The following USP32 variants were observed in gnomAD, a reference collection of about 807,000 sequenced individuals.
USP32 encodes the protein ubiquitin specific peptidase 32, also known as ubiquitin carboxyl-terminal hydrolase 32.
In USP32, 59 loss-of-function variants were observed where a neutral mutation model predicts 204.8. The ratio of observed to expected loss-of-function variants is 0.29; its 90% CI spans 0.23 to 0.36. USP32 has a LOEUF of 0.36. Ranked by LOEUF, USP32 falls within the 10% of genes least tolerant of loss-of-function variation. USP32 has a pLI of 1.00. For missense variants in USP32, 1,160 were observed against 1,946.4 expected, an observed-to-expected ratio of 0.60 and a Z score of 7.60; for synonymous variants, 517 against 678.4, an observed-to-expected ratio of 0.76 and a Z score of 3.70.
intron 5 of USP32, among the ~76,000 whole-genome samples, chr17:60,272,420 T>C (rs773198581): frequency 6.6e-6 from 1 of 152,206 alleles, no homozygotes; most frequent in African/African-American, 2.4e-5. Flanking sequence ...TTTATCTGTG[T>C]TTGTTTTTCC....
intron 1 of USP32, among the ~76,000 whole-genome samples, chr17:60,368,034 T>A (rs2146077811): frequency 6.6e-6 from 1 of 152,260 alleles, no homozygotes; most frequent in Admixed American, 6.5e-5. Context: ...ATAAGAAACA[T>A]GAGCATCCTT....
At chr17:60,293,930 A>G (rs1447898776) in intron 4 of USP32, among the ~76,000 whole-genome samples, 3 of 152,262 alleles carry the variant, frequency 2.0e-5, no homozygotes, top group Non-Finnish European at 4.4e-5. Flanking sequence ...GACTTGTCAC[A>G]TACTAGCAGA....
chr17:60,234,906 C>T (rs1198639457), intron 12 of USP32, among the ~76,000 whole-genome samples: 3 of 151,972 alleles, frequency 2.0e-5, no homozygotes, highest in Non-Finnish European at 1.5e-5. Flanking sequence ...ATTTGACAGA[C>T]GCATGCTAGA....
chr17:60,354,439 T>C (rs2089022497), intron 1 of USP32, among the ~76,000 whole-genome samples: 1 of 152,004 alleles, frequency 6.6e-6, no homozygotes, highest in Non-Finnish European at 1.5e-5. Context: ...AAATAAACAT[T>C]GGGAAATATG....
Position 60,301,621 on chromosome 17 carries a change from G to A in USP32, c.270C>T (p.Gly90=). The change falls in exon 3 of 34, where the codon GGC becomes GGT. Residue 90 remains glycine (G), a synonymous_variant. Transcript: ENST00000300896. ...TACATTTTGCTTTCTCTTCATCTTT[G>A]CCTCTTGTAAGGAGGACAAGTCCAA... ...LIVGLVLLTR[G]KDEEKAKYIF... The A allele has an allele frequency of 1.1e-5, 17 of 1,589,796 alleles. No individual in the cohort carries two copies. The highest frequency in any genetic ancestry group is 1.4e-5 in the Non-Finnish European group (16 of 1,173,350).
chr17:60,204,156 G>A (rs1208544855), intron 26 of USP32, among the ~76,000 whole-genome samples: 1 of 151,798 alleles, frequency 6.6e-6, no homozygotes, highest in African/African-American at 2.4e-5. Flanking sequence ...TTTTCCTCAA[G>A]AACATTCTTG....
chr17:60,300,381 A>G (rs2087544140), intron 3 of USP32, among the ~76,000 whole-genome samples: 1 of 152,158 alleles, frequency 6.6e-6, no homozygotes. Flanking sequence ...AAACAGACGG[A>G]CACTAAGCAA....
intron 9 of USP32, among the ~76,000 whole-genome samples, chr17:60,256,184 A>G (rs1201095564): frequency 6.6e-6 from 1 of 152,090 alleles, no homozygotes; most frequent in Non-Finnish European, 1.5e-5. Context: ...TGAAAAAAAA[A>G]ATAATAAAAA....
chr17:60,255,621 C>T (rs943033179), intron 9 of USP32, among the ~76,000 whole-genome samples: 7 of 152,204 alleles, frequency 4.6e-5, no homozygotes, highest in African/African-American at 1.7e-4. Context: ...AAAGTAATTT[C>T]TTCCTCTTTA....
intron 3 of USP32, among the ~76,000 whole-genome samples, chr17:60,298,547 TA>T (rs567283311): frequency 3.9e-4 from 60 of 152,314 alleles, no homozygotes; most frequent in African/African-American, 1.2e-3. Flanking sequence ...TTATTTGTAT[TA>T]TTTTTTTTGC....
At chr17:60,407,044 G>A (rs1051569642) in intron 1 of USP32, among the ~76,000 whole-genome samples, 4 of 152,122 alleles carry the variant, frequency 2.6e-5, no homozygotes, top group South Asian at 2.1e-4. Context: ...CAGAACTGAC[G>A]TCATTGAGAT....
In USP32 at chr17:60,237,107, ATCTACTCTATCT is replaced by A. The variant is rs2085746448; in HGVS notation, c.1137-879_1137-868del. On this transcript the variant is annotated intron_variant, in intron 11 of 33. Coordinates refer to ENST00000300896, the MANE Select transcript of USP32 (RefSeq NM_032582.4). ...TTACACTGGGATTATAAAAAAAAAA[ATCTACTCTATCT>A]ATCTATCTATCTATCTATCTATCTA... is the stretch of plus-strand genomic sequence containing the variant. 2.2e-5 allele frequency among the ~76,000 whole-genome samples: 3 copies of A among 138,136 alleles called. No individual in the cohort carries two copies. In the South Asian group the frequency reaches 7.2e-4, roughly 33 times the overall value. The allele number at this position is 138,136 out of a possible 152,430, so 90.6% of individuals were successfully genotyped here. A position where few individuals can be genotyped will look rare whatever the true frequency, so the allele number is the denominator to read the frequency against.
chr17:60,381,180 T>C (rs1341524358), intron 1 of USP32, among the ~76,000 whole-genome samples: 1 of 152,160 alleles, frequency 6.6e-6, no homozygotes, highest in Non-Finnish European at 1.5e-5. Context: ...AGCCCACACC[T>C]GTAATCCCAG....
At chr17:60,326,930 C>G (rs1050542607) in intron 2 of USP32, among the ~76,000 whole-genome samples, 17 of 151,922 alleles carry the variant, frequency 1.1e-4, no homozygotes, top group Admixed American at 7.9e-4. Context: ...AAAAGTTGAT[C>G]TCATAGAAGT....
At chr17:60,287,502 T>C (rs2087146476) in intron 5 of USP32, among the ~76,000 whole-genome samples, 1 of 152,304 alleles carries the variant, frequency 6.6e-6, no homozygotes, top group South Asian at 2.1e-4. Flanking sequence ...CCTCTTTGCT[T>C]AATGCCCTAT....
upstream of USP32, among the ~76,000 whole-genome samples, chr17:60,394,836 C>T (rs1270240646): frequency 6.6e-6 from 1 of 152,086 alleles, no homozygotes; most frequent in African/African-American, 2.4e-5. Flanking sequence ...CTCTGCCTCC[C>T]AGGTTCCAGT....
intron 2 of USP32, among the ~76,000 whole-genome samples, chr17:60,322,962 T>C (rs1442753993): frequency 6.6e-6 from 1 of 152,096 alleles, no homozygotes; most frequent in Non-Finnish European, 1.5e-5. Flanking sequence ...CACAACTTCA[T>C]ACCCACTAGG....
chr17:60,370,764 CAAAA>C (rs112650493), intron 1 of USP32, among the ~76,000 whole-genome samples: 3 of 72,708 alleles, frequency 4.1e-5, no homozygotes, highest in Non-Finnish European at 1.0e-4. Context: ...GCTACTGTCT[CAAAA>C]AAAAAAAAAA....
chr17:60,237,124 AT>A (rs1374928620), intron 11 of USP32, among the ~76,000 whole-genome samples: 5 of 141,800 alleles, frequency 3.5e-5, no homozygotes, highest in Non-Finnish European at 7.8e-5. Flanking sequence ...CTATCTATCT[AT>A]CTATCTATCT....
Sources: gnomAD v4.1 joint callset for allele counts (sites outside exome capture counted in the v4.1 genomes callset) on GRCh38, gnomAD v4.1.1 for gene constraint, MANE v1.5 for transcripts, NCBI Gene and HGNC (gene_info 2026-07-23, HGNC 2026-07-21) for gene names.